Variants in GRK2 observed in about 807,000 individuals in gnomAD.
GRK2 encodes G protein-coupled receptor kinase 2, also known as adrenergic beta receptor kinase 1.
In GRK2, 23 loss-of-function variants were observed where a neutral mutation model predicts 97.8. The observed-to-expected ratio is 0.24, with a 90% CI of 0.17 to 0.33. The LOEUF (loss-of-function observed/expected upper bound fraction) is 0.33. GRK2 is among the 10% of genes least tolerant of loss of function. The pLI is 1.00. For synonymous variants in GRK2, 425 were observed against 381.7 expected (o/e 1.11, Z -1.32); for missense variants, 633 against 956.9 (o/e 0.66, Z 4.47).
intron 1 of GRK2, among the ~76,000 whole-genome samples, chr11:67,268,628 C>A (rs868215373): frequency 1.3e-5 from 2 of 152,154 alleles, no homozygotes; most frequent in African/African-American, 4.8e-5. Flanking sequence ...TAATCTCCCC[C>A]CAGAATGCAT....
At chr11:67,279,779 G>A in intron 5 of GRK2, 60 bp from the exon 6 acceptor site, 3 of 1,612,336 alleles carry the variant, frequency 1.9e-6, no homozygotes, top group Non-Finnish European at 2.5e-6. Flanking sequence ...GCCAGGGGTG[G>A]GGCCTGGGCA....
intron 1 of GRK2, 48 bp from the exon 2 acceptor site, chr11:67,277,224 C>T (rs773017716): frequency 4.1e-5 from 66 of 1,597,026 alleles, no homozygotes; most frequent in Middle Eastern, 1.8e-4. Flanking sequence ...GCCTGCAGCC[C>T]CCACGGGCTC....
In GRK2 at chr11:67,285,721, AGG is replaced by A; in HGVS notation, c.*273_*274del. 1 of 482,246 alleles carries A rather than the reference AGG, an allele frequency of 2.1e-6. No homozygotes were observed. 29.9% of individuals were successfully genotyped at this position (482,246 alleles called of 1,614,324 possible). A position where few individuals can be genotyped will look rare whatever the true frequency, so the allele number is the denominator to read the frequency against. On this transcript the variant is annotated 3_prime_UTR_variant, in exon 21 of 21. Coordinates refer to ENST00000308595, the MANE Select transcript of GRK2 (RefSeq NM_001619.5). ...GCACAGCCCTCCCGCCCCTTCCCCG[AGG>A]GATGATGCCACACCAAGCTGTGCCA...
At chr11:67,267,755 C>T (rs1443605450) in intron 1 of GRK2, among the ~76,000 whole-genome samples, 1 of 152,236 alleles carries the variant, frequency 6.6e-6, no homozygotes. Context: ...TAGAGTATCT[C>T]TCCACTGTGT....
In GRK2 at chr11:67,286,546, A is replaced by C. The variant is rs1208969530; in HGVS notation, c.*1096A>C. ...ATGAGACTATGCGTTTTTATAAAAA[A>C]TGGTGCCTGATTCGGCTGTCTCAGA... On this transcript the variant is annotated 3_prime_UTR_variant, in exon 21 of 21. Transcript: ENST00000308595. 7.1e-6 allele frequency: 5 copies of C among 701,134 alleles called. No individual in the cohort carries two copies. The highest frequency in any genetic ancestry group is 7.8e-6 in the Non-Finnish European group (3 of 383,876). 43.4% of individuals were successfully genotyped at this position (701,134 alleles called of 1,614,324 possible).
chr11:67,281,868 G>A lies in GRK2; in HGVS notation c.873G>A (p.Glu291=), dbSNP rs762730044. Residue 291 remains glutamate (E), a synonymous_variant, in exon 11 of 21, where the codon GAG becomes GAA. Transcript: ENST00000308595. The surrounding 1 kb of genome is among the most constrained non-coding windows in gnomAD (Gnocchi z 5.7). ...YHLSQHGVFS[E]ADMRFYAAEI... ...TCTCCCAGCACGGGGTCTTCTCAGA[G>A]GCTGACATGCGCTTCTATGCGGCCG... 1.2e-6 allele frequency: 2 copies of A among 1,613,728 alleles called. No individual in the cohort carries two copies. The highest frequency in any genetic ancestry group is 1.7e-5 in the Admixed American group (1 of 60,024).
chr11:67,275,099 G>A (rs187349630), intron 1 of GRK2, among the ~76,000 whole-genome samples: 1 of 152,328 alleles, frequency 6.6e-6, no homozygotes, highest in East Asian at 1.9e-4. Flanking sequence ...AGGGTGGGGA[G>A]CAGGCCAGGG....
intron 1 of GRK2, among the ~76,000 whole-genome samples, chr11:67,271,671 G>A (rs1168736887): frequency 6.6e-6 from 1 of 152,232 alleles, no homozygotes; most frequent in Non-Finnish European, 1.5e-5. Flanking sequence ...CTTTGTGGCC[G>A]ACACGACGTT....
chr11:67,274,102 T>TC (rs1859970139), intron 1 of GRK2, among the ~76,000 whole-genome samples: 1 of 150,396 alleles, frequency 6.6e-6, no homozygotes, highest in Non-Finnish European at 1.5e-5. Context: ...AACCTCTGTC[T>TC]CCAGGGTTCA....
chr11:67,282,976 T>C lies in GRK2; in HGVS notation c.1228-152T>C. 8.9e-7 allele frequency: 1 copy of C among 1,126,876 alleles called. No individual in the cohort carries two copies. The highest frequency in any genetic ancestry group is 1.3e-6 in the Non-Finnish European group (1 of 763,802). The allele number at this position is 1,126,876 out of a possible 1,614,324, so 69.8% of individuals were successfully genotyped here. A position where few individuals can be genotyped will look rare whatever the true frequency, so the allele number is the denominator to read the frequency against. On this transcript the variant is annotated intron_variant, in intron 14 of 20. Coordinates refer to ENST00000308595, the MANE Select transcript of GRK2 (RefSeq NM_001619.5). This position sits in a 1 kb window ranked among gnomAD's most constrained non-coding sequence, Gnocchi z 6.9. ...CCTCCTGCCCCATAGGCTCTCGCCC[T>C]CCCCGTGCTGTTGGAGCATGACTGC... is the stretch of plus-strand genomic sequence containing the variant.
chr11:67,279,469 C>G lies in GRK2; in HGVS notation c.316C>G (p.Arg106Gly). 6.2e-7 allele frequency: 1 copy of G among 1,613,246 alleles called. No individual in the cohort carries two copies. Among genetic ancestry groups the G allele is most frequent in the Non-Finnish European group, 8.5e-7 (1 of 1,180,008 alleles). The change falls in exon 4 of 21, where the codon CGG (arginine) becomes GGG (glycine). Residue 106 changes from arginine (R) to glycine (G), a missense_variant. Physicochemically the swap from Arg to Gly is moderately radical, Grantham distance 125 (BLOSUM62 -2). This residue lies in a region of GRK2 where 193 missense variants were observed against 212.2 expected (regional missense o/e 0.91). Coordinates refer to ENST00000308595, the MANE Select transcript of GRK2 (RefSeq NM_001619.5). ...GGAGGAGGAGCGTGTGGCCCGCAGC[C>G]GGGAGATCTTCGACTCATACATCAT... ...ETEEERVARSREIFDSYIMKE... is the reference protein window; with the variant it reads ...ETEEERVARSGEIFDSYIMKE...
Position 67,276,113 on chromosome 11 carries a change from C to T in GRK2, c.114-1159C>T, listed in dbSNP as rs1565064506. Among the ~76,000 whole-genome samples the T allele has an allele frequency of 6.6e-6, 1 of 152,218 alleles. No homozygotes were observed. The highest frequency in any genetic ancestry group is 1.5e-5 in the Non-Finnish European group (1 of 68,036). ...TGCGGATCCAAATCTCCACCAGCTG[C>T]AGTCATTTCACGGGAGGCCTGCTGG... On this transcript the variant is annotated intron_variant, in intron 1 of 20. Coordinates refer to ENST00000308595, the MANE Select transcript of GRK2 (RefSeq NM_001619.5). This position sits in a 1 kb window ranked among gnomAD's most constrained non-coding sequence, Gnocchi z 4.2.
intron 7 of GRK2, 152 bp downstream of exon 7, chr11:67,280,935 C>A: frequency 8.7e-7 from 1 of 1,145,396 alleles, no homozygotes; most frequent in Non-Finnish European, 1.3e-6. Flanking sequence ...GCCGGGATCC[C>A]AGCATGGGGA....
At chr11:67,275,379 C>G (rs1860008193) in intron 1 of GRK2, among the ~76,000 whole-genome samples, 1 of 152,244 alleles carries the variant, frequency 6.6e-6, no homozygotes. Flanking sequence ...AGCTGCCATT[C>G]TTCCAGACCC....
chr11:67,277,799 G>T (rs1347844360), intron 2 of GRK2, among the ~76,000 whole-genome samples: 1 of 152,204 alleles, frequency 6.6e-6, no homozygotes, highest in African/African-American at 2.4e-5. Flanking sequence ...CCTCCAGCTG[G>T]TGTCTGATGC....
At chr11:67,280,480 C>G in intron 6 of GRK2, 1 of 576,204 alleles carries the variant, frequency 1.7e-6, no homozygotes, top group Non-Finnish European at 3.1e-6. Context: ...CCTTTCTGTG[C>G]GGATCTGATT....
At chr11:67,273,841 C>G (rs1013720705) in intron 1 of GRK2, among the ~76,000 whole-genome samples, 1 of 152,064 alleles carries the variant, frequency 6.6e-6, no homozygotes, top group South Asian at 2.1e-4. Context: ...CCGGGGCTGA[C>G]AGCAGAGCCC....
chr11:67,281,298 C>G lies in GRK2; in HGVS notation c.647+114C>G. The stretch of plus-strand genomic sequence containing the variant: ...GCTGCTCCATGCACTCCTGTCTTGC[C>G]GTGCTGTTACCCCCGCAGGCTCCTC... On this transcript the variant is annotated intron_variant, in intron 8 of 20. Transcript: ENST00000308595. This position sits in a 1 kb window ranked among gnomAD's most constrained non-coding sequence, Gnocchi z 5.7. 1 of 1,106,626 alleles carries G rather than the reference C, an allele frequency of 9.0e-7. No homozygotes were observed. Among genetic ancestry groups the G allele is most frequent in the East Asian group, 2.5e-5 (1 of 40,082 alleles). 68.6% of individuals were successfully genotyped at this position (1,106,626 alleles called of 1,614,324 possible). A position where few individuals can be genotyped will look rare whatever the true frequency, so the allele number is the denominator to read the frequency against.
intron 1 of GRK2, 56 bp from the exon 2 acceptor site, chr11:67,277,216 C>T (rs1240683559): frequency 1.3e-6 from 2 of 1,581,112 alleles, no homozygotes; most frequent in South Asian, 1.1e-5. Context: ...GTTTCTGGGC[C>T]TGCAGCCCCC....
Sources: allele counts gnomAD v4.1 joint callset (sites outside exome capture counted in the v4.1 genomes callset), GRCh38; gene constraint gnomAD v4.1.1; regional missense constraint gnomAD v4.1.1; non-coding constraint Gnocchi (gnomAD v3.1); transcripts MANE v1.5; gene names NCBI Gene and HGNC (gene_info 2026-07-23, HGNC 2026-07-21).